Variants in SPPL3 observed in about 807,000 individuals in gnomAD.
SPPL3 encodes signal peptide peptidase like 3.
SPPL3 carries 5 observed loss-of-function variants against 42.4 expected under a neutral mutation model. The ratio of observed to expected loss-of-function variants is 0.12; its 90% CI spans 0.06 to 0.25. The LOEUF is 0.25. SPPL3 is among the 10% of genes least tolerant of loss of function. SPPL3 has a pLI of 1.00. For missense variants in SPPL3, 235 were observed against 489.0 expected, an observed-to-expected ratio of 0.48 and a Z score of 4.90; for synonymous variants, 195 against 181.8, an observed-to-expected ratio of 1.07 and a Z score of -0.58.
intron 1 of SPPL3, among the ~76,000 whole-genome samples, chr12:120,882,456 T>C (rs1220567658): frequency 6.6e-6 from 1 of 152,090 alleles, no homozygotes; most frequent in Non-Finnish European, 1.5e-5. Context: ...GGGTACTGCA[T>C]AGGACTTTGT....
intron 1 of SPPL3, 107 bp downstream of exon 1, chr12:120,903,738 C>CT (rs985026221): frequency 1.5e-6 from 1 of 672,800 alleles, no homozygotes; most frequent in Non-Finnish European, 2.3e-6. Flanking sequence ...CCGCGCCCCC[C>CT]CCCCACGACA....
At chr12:120,774,283 C>T (rs1004203752) in intron 6 of SPPL3, among the ~76,000 whole-genome samples, 3 of 152,206 alleles carry the variant, frequency 2.0e-5, no homozygotes, top group Admixed American at 2.0e-4. Context: ...CTCCCTCTTA[C>T]TCTTTCCCAT....
intron 1 of SPPL3, among the ~76,000 whole-genome samples, chr12:120,835,120 A>G (rs1169064387): frequency 6.6e-6 from 1 of 152,176 alleles, no homozygotes; most frequent in Non-Finnish European, 1.5e-5. Flanking sequence ...CTCCTGGAAA[A>G]CAGGGACCCT....
chr12:120,835,023 G>C (rs1243647405), intron 1 of SPPL3, among the ~76,000 whole-genome samples: 1 of 152,092 alleles, frequency 6.6e-6, no homozygotes, highest in Non-Finnish European at 1.5e-5. Flanking sequence ...TAACATTCTT[G>C]CCTCATTTTG....
At chr12:120,777,172 CT>C (rs1481763363) in intron 6 of SPPL3, among the ~76,000 whole-genome samples, 1 of 152,174 alleles carries the variant, frequency 6.6e-6, no homozygotes, top group African/African-American at 2.4e-5. Context: ...AACCAACTAA[CT>C]GGAATTTCTA....
intron 6 of SPPL3, among the ~76,000 whole-genome samples, chr12:120,778,111 A>ATTTTTTTTTTTTTTTTTTTTTTTTTTT (rs57779322): frequency 3.3e-5 from 3 of 90,946 alleles, no homozygotes; most frequent in African/African-American, 4.3e-5. Context: ...CTGAAAAGCA[A>ATTTTTTTTTTTTTTTTTTTTTTTTTTT]TTTTTTTTTT....
At chr12:120,831,142 T>C (rs771333239) in intron 1 of SPPL3, among the ~76,000 whole-genome samples, 1 of 152,172 alleles carries the variant, frequency 6.6e-6, no homozygotes, top group Non-Finnish European at 1.5e-5. Flanking sequence ...TCTTGATTCC[T>C]GGACCTTCAG....
chr12:120,865,566 T>TA (rs1872733082), intron 1 of SPPL3, among the ~76,000 whole-genome samples: 1 of 152,344 alleles, frequency 6.6e-6, no homozygotes, highest in African/African-American at 2.4e-5. Flanking sequence ...CACAACCTGT[T>TA]ACCAATATTC....
chr12:120,832,878 T>C lies in SPPL3; in HGVS notation c.24-21992A>G, dbSNP rs556041796. ...ACAAACAACCAGTGTGTTAGACAAA[T>C]GTTTTACTGAGCACTTCCAAAGCAT... On this transcript the variant is annotated intron_variant, in intron 1 of 10. Coordinates refer to ENST00000353487, the MANE Select transcript of SPPL3 (RefSeq NM_139015.5). Among the ~76,000 whole-genome samples the C allele has an allele frequency of 4.5e-4, 68 of 152,102 alleles. 1 individual carries two copies. Among genetic ancestry groups the C allele is most frequent in the Non-Finnish European group, 1.6e-4 (11 of 68,018 alleles).
At chr12:120,898,866 GT>G (rs1427311278) in intron 1 of SPPL3, among the ~76,000 whole-genome samples, 15 of 152,100 alleles carry the variant, frequency 9.9e-5, no homozygotes, top group Non-Finnish European at 2.1e-4. Flanking sequence ...TAGTATTTTG[GT>G]AACAAAATTC....
At chr12:120,768,834 G>A (rs966780641) in intron 7 of SPPL3, 119 bp downstream of exon 7, 4 of 821,482 alleles carry the variant, frequency 4.9e-6, no homozygotes, top group African/African-American at 1.7e-5. Flanking sequence ...GGACTGGAGA[G>A]AGAGTGATCA....
chr12:120,854,434 A>C (rs1872380686), intron 1 of SPPL3, among the ~76,000 whole-genome samples: 1 of 152,206 alleles, frequency 6.6e-6, no homozygotes, highest in African/African-American at 2.4e-5. Context: ...ATGGAGAAGT[A>C]AGCAAGCCAA....
At chr12:120,871,994 T>C (rs1872947996) in intron 1 of SPPL3, among the ~76,000 whole-genome samples, 2 of 152,226 alleles carry the variant, frequency 1.3e-5, no homozygotes, top group South Asian at 4.1e-4. Flanking sequence ...TTTAAAAATC[T>C]GAAATGCTCA....
intron 1 of SPPL3, among the ~76,000 whole-genome samples, chr12:120,858,393 T>G (rs1592998940): frequency 6.6e-6 from 1 of 150,776 alleles, no homozygotes; most frequent in African/African-American, 2.4e-5. Flanking sequence ...GAAGCGGAGG[T>G]TGCAGTGAGC....
intron 1 of SPPL3, among the ~76,000 whole-genome samples, chr12:120,846,190 G>A (rs1231107252): frequency 1.3e-5 from 2 of 152,162 alleles, no homozygotes; most frequent in East Asian, 3.8e-4. Context: ...TTCATTCACT[G>A]TTACAACAGT....
intron 2 of SPPL3, among the ~76,000 whole-genome samples, chr12:120,797,116 G>A (rs1415769005): frequency 1.3e-5 from 2 of 152,182 alleles, no homozygotes; most frequent in Admixed American, 1.3e-4. Context: ...GCAGTGAGCC[G>A]AGATTGTGCC....
rs57779322 is a variant in SPPL3, at chr12:120,778,111, ATT to A, written c.502+4542_502+4543del. 2.7e-4 allele frequency among the ~76,000 whole-genome samples: 25 copies of A among 90,936 alleles called. 1 individual carries two copies. Among genetic ancestry groups the A allele is most frequent in the Non-Finnish European group, 4.0e-4 (20 of 50,330 alleles). 59.7% of individuals were successfully genotyped at this position (90,936 alleles called of 152,430 possible). Reference sequence around the variant, plus strand: ...TTATTTCCAAAATGACTGAAAAGCAATTTTTTTTTTTTTTTTTTTTTTTGAGA... The same window carrying A: ...TTATTTCCAAAATGACTGAAAAGCAATTTTTTTTTTTTTTTTTTTTTGAGA... On this transcript the variant is annotated intron_variant, in intron 6 of 10. Transcript: ENST00000353487.
At chr12:120,862,520 G>A (rs1346476727) in intron 1 of SPPL3, among the ~76,000 whole-genome samples, 1 of 152,152 alleles carries the variant, frequency 6.6e-6, no homozygotes, top group African/African-American at 2.4e-5. Context: ...ATGGCTCACT[G>A]AACTCAGGAA....
intron 2 of SPPL3, among the ~76,000 whole-genome samples, chr12:120,804,863 T>G (rs1171713798): frequency 6.6e-6 from 1 of 152,072 alleles, no homozygotes; most frequent in East Asian, 1.9e-4. Context: ...TATCAGCCAA[T>G]GAATGGAAAA....
Sources: gnomAD v4.1 joint callset for allele counts (sites outside exome capture counted in the v4.1 genomes callset) on GRCh38, gnomAD v4.1.1 for gene constraint, MANE v1.5 for transcripts, NCBI Gene and HGNC (gene_info 2026-07-23, HGNC 2026-07-21) for gene names.